Variants in FGF13 observed in about 807,000 individuals in gnomAD.
FGF13 encodes fibroblast growth factor 13.
Under a neutral mutation model 19.5 loss-of-function variants are expected in FGF13, and 2 were observed. The ratio of observed to expected loss-of-function variants is 0.10; its 90% CI spans 0.04 to 0.32. The LOEUF (loss-of-function observed/expected upper bound fraction) is 0.32. FGF13 is among the 10% of genes least tolerant of loss of function. The pLI is 1.00. For synonymous variants in FGF13, 72 were observed against 76.9 expected, an observed-to-expected ratio of 0.94 and a Z score of 0.33; for missense variants, 113 against 192.7, an observed-to-expected ratio of 0.59 and a Z score of 2.45.
intron 1 of FGF13, among the ~76,000 whole-genome samples, chrX:139,053,032 A>G (rs1200530796): frequency 2.0e-5 from 2 of 102,534 alleles, no homozygotes; most frequent in Non-Finnish European, 2.0e-5. Flanking sequence ...AAGTCCCCAA[A>G]GTCCATTTTA....
At chrX:138,635,395 T>C in intron 4 of FGF13, 62 bp downstream of exon 4, 3 of 1,084,513 alleles carry the variant, frequency 2.8e-6, no homozygotes, top group Non-Finnish European at 3.8e-6. Flanking sequence ...ACTATTGAAA[T>C]TTAATAAATA....
At chrX:138,733,963 G>A (rs1165189567) in intron 1 of FGF13, among the ~76,000 whole-genome samples, 1 of 111,136 alleles carries the variant, frequency 9.0e-6, no homozygotes, top group East Asian at 2.9e-4. Context: ...GATGCTCAGC[G>A]CAAGGGGACA....
At chrX:138,980,168 A>G (rs2091957462) in intron 1 of FGF13, among the ~76,000 whole-genome samples, 1 of 111,746 alleles carries the variant, frequency 8.9e-6, no homozygotes, top group Admixed American at 9.5e-5. Context: ...TAGAGGGGAT[A>G]TAAGCAAAAA....
At chrX:139,183,713 T>C (rs961622102) in intron 1 of FGF13, among the ~76,000 whole-genome samples, 1 of 112,056 alleles carries the variant, frequency 8.9e-6, no homozygotes, top group African/African-American at 3.2e-5. Context: ...ATGAGCTAAA[T>C]AAACCTCTTT....
chrX:139,186,150 G>A (rs1003742931), intron 1 of FGF13, among the ~76,000 whole-genome samples: 4 of 111,698 alleles, frequency 3.6e-5, no homozygotes, highest in African/African-American at 1.3e-4. Flanking sequence ...AGGATATTAG[G>A]ATCATTATGA....
At chrX:139,074,751 C>T (rs765446640) in intron 1 of FGF13, among the ~76,000 whole-genome samples, 7 of 112,492 alleles carry the variant, frequency 6.2e-5, no homozygotes, top group Non-Finnish European at 1.3e-4. Context: ...CTCAACTCCT[C>T]AGCCTCAGCT....
chrX:138,656,123 T>C (rs947588520), intron 3 of FGF13, among the ~76,000 whole-genome samples: 1 of 111,651 alleles, frequency 9.0e-6, no homozygotes, highest in Non-Finnish European at 1.9e-5. Context: ...GTTGCAAGTA[T>C]TGTTTGGCAA....
chrX:138,905,137 T>C (rs750413599), intron 1 of FGF13, among the ~76,000 whole-genome samples: 3 of 110,963 alleles, frequency 2.7e-5, no homozygotes, highest in East Asian at 5.7e-4. Flanking sequence ...CCCTAAAATC[T>C]GGGATTCTTG....
At chrX:138,921,660 A>C (rs2091645827) in intron 1 of FGF13, among the ~76,000 whole-genome samples, 2 of 111,441 alleles carry the variant, frequency 1.8e-5, no homozygotes, top group African/African-American at 6.5e-5. Context: ...TGTGATTTAC[A>C]AGAAGACAGT....
chrX:138,866,063 A>G (rs185994307), intron 1 of FGF13, among the ~76,000 whole-genome samples: 1 of 112,837 alleles, frequency 8.9e-6, no homozygotes, highest in African/African-American at 3.2e-5. Context: ...AATACACTGG[A>G]CCTTCTTTAA....
chrX:138,988,232 T>TC (rs757891344), intron 1 of FGF13, among the ~76,000 whole-genome samples: 1 of 112,381 alleles, frequency 8.9e-6, no homozygotes. Context: ...GCTCCCTGGC[T>TC]CCAACTAGCC....
chrX:138,839,945 A>G lies in FGF13; in HGVS notation c.217+17567T>C, dbSNP rs2091138308. Among the ~76,000 whole-genome samples the G allele has an allele frequency of 3.6e-5, 4 of 112,029 alleles. No homozygotes were observed. The South Asian group carries it at 1.5e-3, about 42-fold the overall frequency. On this transcript the variant is annotated intron_variant, in intron 3 of 6. Transcript: ENST00000436198. The stretch of plus-strand genomic sequence containing the variant: ...CTTCTGTATAAAAATGGGATAAAAT[A>G]TCTACATTCTAGCATTTCTATCGAG...
intron 3 of FGF13, among the ~76,000 whole-genome samples, chrX:138,768,104 CA>C (rs2090515184): frequency 8.9e-6 from 1 of 112,113 alleles, no homozygotes; most frequent in Admixed American, 9.5e-5. Flanking sequence ...TGAACCCATC[CA>C]GGGGGCAGCA....
At chrX:138,860,726 A>T in intron 2 of FGF13, among the ~76,000 whole-genome samples, 1 of 112,552 alleles carries the variant, frequency 8.9e-6, no homozygotes, top group African/African-American at 3.2e-5. Flanking sequence ...ACTCTTCAAG[A>T]CAGATAAGGT....
intron 1 of FGF13, among the ~76,000 whole-genome samples, chrX:138,932,966 C>T (rs1350969890): frequency 9.0e-6 from 1 of 111,269 alleles, no homozygotes; most frequent in African/African-American, 3.3e-5. Context: ...TTTAGGCCCA[C>T]CTCTGCCACT....
In FGF13 at chrX:139,083,848, C is replaced by T. The variant is rs187792000; in HGVS notation, c.-113+119568G>A. On this transcript the variant is annotated intron_variant, in intron 1 of 2. Transcript: ENST00000421460. ...ATCCCGCCACTGCATTCCAGCCTGG[C>T]GACGGAGACTCCTTCTCAAATAAAA... 1.2e-4 allele frequency among the ~76,000 whole-genome samples: 13 copies of T among 110,518 alleles called. No individual in the cohort carries two copies. The East Asian group carries it at 3.4e-3, about 29-fold the overall frequency.
chrX:139,015,266 G>T (rs1286454079), intron 1 of FGF13, among the ~76,000 whole-genome samples: 2 of 110,826 alleles, frequency 1.8e-5, no homozygotes, highest in Non-Finnish European at 3.8e-5. Flanking sequence ...GAAAAGGAAG[G>T]AGTCAAATTA....
chrX:139,150,992 G>A (rs1349963671), intron 1 of FGF13, among the ~76,000 whole-genome samples: 3 of 110,122 alleles, frequency 2.7e-5, no homozygotes, highest in African/African-American at 6.6e-5. Context: ...CCTGGGCCCC[G>A]TATGTTAGGA....
intron 3 of FGF13, among the ~76,000 whole-genome samples, chrX:138,818,775 T>C (rs1052987666): frequency 3.6e-5 from 4 of 111,459 alleles, no homozygotes; most frequent in African/African-American, 1.3e-4. Context: ...TCATTTTTTT[T>C]CTTTCATTTT....
Sources: allele counts gnomAD v4.1 joint callset (sites outside exome capture counted in the v4.1 genomes callset), GRCh38; gene constraint gnomAD v4.1.1; transcripts MANE v1.5; gene names NCBI Gene and HGNC (gene_info 2026-07-23, HGNC 2026-07-21).